The following TJP1 variants were observed in gnomAD, a reference collection of about 807,000 sequenced individuals.
TJP1 encodes tight junction protein 1.
A neutral mutation model predicts 194.2 loss-of-function variants in TJP1; 43 were observed. The observed-to-expected ratio is 0.22, with a 90% confidence interval of 0.17 to 0.29. The LOEUF is 0.29. Ranked by LOEUF, TJP1 falls within the 10% of genes least tolerant of loss-of-function variation. The pLI is 1.00. For missense variants in TJP1, 1,971 were observed against 2,185.7 expected (o/e 0.90, Z 1.96); for synonymous variants, 801 against 779.0 (o/e 1.03, Z -0.47).
chr15:29,779,510 CCAAAA>C (rs2047221271), intron 2 of TJP1, among the ~76,000 whole-genome samples: 1 of 152,112 alleles, frequency 6.6e-6, no homozygotes, highest in African/African-American at 2.4e-5. Flanking sequence ...TTTCTCTTTG[CCAAAA>C]CAAGTCATCG....
At chr15:29,941,515 G>T (rs2055075955) in intron 2 of TJP1, among the ~76,000 whole-genome samples, 1 of 152,132 alleles carries the variant, frequency 6.6e-6, no homozygotes, top group Non-Finnish European at 1.5e-5. Flanking sequence ...GACCTCTAGG[G>T]TTGGGAACCA....
At chr15:29,906,683 G>C (rs1596230033) in intron 2 of TJP1, among the ~76,000 whole-genome samples, 1 of 151,612 alleles carries the variant, frequency 6.6e-6, no homozygotes, top group South Asian at 2.1e-4. Context: ...GGGTTCAAGC[G>C]ATTTTCGTGC....
intron 1 of TJP1, among the ~76,000 whole-genome samples, chr15:29,806,387 G>C (rs1029348257): frequency 6.6e-6 from 1 of 152,240 alleles, no homozygotes; most frequent in East Asian, 1.9e-4. Flanking sequence ...CAATTTTTTA[G>C]ATCAATACAC....
At chr15:29,838,757 C>G (rs1037226581) in intron 2 of TJP1, among the ~76,000 whole-genome samples, 15 of 152,072 alleles carry the variant, frequency 9.9e-5, no homozygotes, top group African/African-American at 3.4e-4. Flanking sequence ...TTACTCCTTA[C>G]AGCCTACACC....
At chr15:29,923,937 TGA>T (rs1466309725) in intron 2 of TJP1, among the ~76,000 whole-genome samples, 3 of 152,214 alleles carry the variant, frequency 2.0e-5, no homozygotes, top group African/African-American at 7.2e-5. Flanking sequence ...CTAATGTGTG[TGA>T]GTTTCACCAC....
At chr15:29,961,689 C>G (rs553560639) in intron 1 of TJP1, among the ~76,000 whole-genome samples, 214 of 152,316 alleles carry the variant, frequency 1.4e-3, no homozygotes, top group African/African-American at 5.0e-3. Flanking sequence ...GGCCTGGCCC[C>G]TGGAGGCAGT....
At chr15:29,916,138 G>A (rs1041597175) in intron 2 of TJP1, among the ~76,000 whole-genome samples, 10 of 151,612 alleles carry the variant, frequency 6.6e-5, no homozygotes, top group African/African-American at 1.7e-4. Context: ...CCAGTTACTC[G>A]GGAGGCTGAG....
exon 1 of TJP1, chr15:29,968,780 G>A (rs141536951): frequency 8.2e-7 from 1 of 1,217,278 alleles, no homozygotes; most frequent in South Asian, 1.3e-5. Flanking sequence ...CGCTCCGCTC[G>A]CGGGCAGGGC....
intron 2 of TJP1, among the ~76,000 whole-genome samples, chr15:29,864,018 G>T (rs970142568): frequency 6.6e-6 from 1 of 152,064 alleles, no homozygotes; most frequent in Non-Finnish European, 1.5e-5. Flanking sequence ...GTTGTTTAAG[G>T]ATTCTGGTGC....
At chr15:29,729,022 T>C (rs900853590) in intron 15 of TJP1, 2 of 152,268 alleles carry the variant, frequency 1.3e-5, no homozygotes. Flanking sequence ...TAAACCAATG[T>C]ATTACCCTTT....
At chr15:29,945,955 C>T (rs12899678) in intron 2 of TJP1, among the ~76,000 whole-genome samples, 1 of 152,028 alleles carries the variant, frequency 6.6e-6, no homozygotes, top group East Asian at 1.9e-4. Context: ...CCCTACATCA[C>T]GGTTTCTAAA....
Position 29,718,361 on chromosome 15 carries a change from G to C in TJP1, c.3781C>G (p.Pro1261Ala). ...TTAACTCTGGTGAGTACAGACTGTG[G>C]CTTCATTGCTGGATCTTCCTCTTCT... The part of the protein sequence containing the change: ...TEEEEDPAMK[P>A]QSVLTRVKMF... The change falls in exon 21 of 28, where the codon CCA becomes GCA. Residue 1261 changes from proline (P) to alanine (A), a missense_variant. Pro to Ala is a conservative substitution (Grantham distance 27). This residue lies in a region of TJP1 where 1,108 missense variants were observed against 1,128.5 expected (regional missense o/e 0.98). Coordinates refer to ENST00000614355, the MANE Select transcript of TJP1 (RefSeq NM_001330239.4). 1.9e-6 allele frequency: 3 copies of C among 1,614,098 alleles called. No homozygotes were observed. Among genetic ancestry groups the C allele is most frequent in the Non-Finnish European group, 2.5e-6 (3 of 1,180,026 alleles).
At chr15:29,883,843 C>G (rs1024131294) in intron 2 of TJP1, among the ~76,000 whole-genome samples, 2 of 152,108 alleles carry the variant, frequency 1.3e-5, no homozygotes, top group Non-Finnish European at 2.9e-5. Context: ...AATATTTACA[C>G]CTCAAGTTTA....
chr15:29,912,698 A>AAAAAAAAAAAAAAAAAC (rs2054058207), intron 2 of TJP1, among the ~76,000 whole-genome samples: 1 of 109,972 alleles, frequency 9.1e-6, no homozygotes, highest in African/African-American at 3.0e-5. Context: ...TCTGTCTCAA[A>AAAAAAAAAAAAAAAAAC]AAAAAAAAAA....
At chr15:29,861,129 A>G (rs2052065841) in intron 2 of TJP1, among the ~76,000 whole-genome samples, 1 of 152,200 alleles carries the variant, frequency 6.6e-6, no homozygotes, top group Non-Finnish European at 1.5e-5. Flanking sequence ...TATGTTTTCA[A>G]TTCTCTTGGG....
chr15:29,826,509 G>A (rs1423857036), upstream of TJP1, among the ~76,000 whole-genome samples: 5 of 152,158 alleles, frequency 3.3e-5, no homozygotes, highest in East Asian at 7.7e-4. Context: ...AGAGAAAACA[G>A]ACATTAAGGA....
At chr15:29,809,896 A>T (rs1269714406) in intron 1 of TJP1, among the ~76,000 whole-genome samples, 1 of 152,166 alleles carries the variant, frequency 6.6e-6, no homozygotes, top group Non-Finnish European at 1.5e-5. Flanking sequence ...GTTTATTTTA[A>T]AAGTGTGCTA....
rs116143821 is a variant in TJP1, at chr15:29,870,381, C to T, written c.307-69679G>A. Among the ~76,000 whole-genome samples, 203 of 152,276 alleles carry T rather than the reference C, an allele frequency of 1.3e-3. 1 individual carries two copies. The highest frequency in any genetic ancestry group is 4.7e-3 in the African/African-American group (196 of 41,548). The stretch of plus-strand genomic sequence containing the variant: ...TTAAGGTTAGTCCTGTGTGTAAAAA[C>T]TATCTTTATATTAAGTATGCAAAAT... On this transcript the variant is annotated intron_variant, in intron 2 of 28. Transcript: ENST00000356107.
chr15:29,878,995 C>T (rs749669006), intron 2 of TJP1, among the ~76,000 whole-genome samples: 3 of 151,844 alleles, frequency 2.0e-5, no homozygotes, highest in Non-Finnish European at 2.9e-5. Context: ...TTGTGGCACG[C>T]GCCTGTAGTC....
Sources: gnomAD v4.1 joint callset for allele counts (sites outside exome capture counted in the v4.1 genomes callset) on GRCh38, gnomAD v4.1.1 for gene constraint, gnomAD v4.1.1 regional missense constraint, MANE v1.5 for transcripts, NCBI Gene and HGNC (gene_info 2026-07-23, HGNC 2026-07-21) for gene names.